GMDS: variants seen among roughly 807,000 people sequenced by gnomAD.
GMDS encodes the protein GDP-mannose 4,6-dehydratase, also known as GDP-mannose 4,6 dehydratase.
GMDS carries 20 observed loss-of-function variants against 49.9 expected under a neutral mutation model. That is an observed-to-expected ratio of 0.40 (90% CI 0.28 to 0.58). The LOEUF is 0.58. Among genes scored for constraint, GMDS ranks in the 20% least tolerant of loss-of-function variants. The pLI, the probability that GMDS is intolerant of heterozygous loss-of-function variation, is 0.42. For missense variants in GMDS, 362 were observed against 481.4 expected (o/e 0.75, Z 2.32); for synonymous variants, 177 against 178.6 (o/e 0.99, Z 0.07).
chr6:2,047,042 T>C (rs534686790), intron 4 of GMDS, among the ~76,000 whole-genome samples: 1 of 152,294 alleles, frequency 6.6e-6, no homozygotes, highest in Admixed American at 6.5e-5. Context: ...CACAAAGCAA[T>C]TACTAGAAAT....
intron 7 of GMDS, among the ~76,000 whole-genome samples, chr6:1,897,345 C>T (rs1318060455): frequency 1.3e-5 from 2 of 152,154 alleles, no homozygotes; most frequent in East Asian, 3.9e-4. Flanking sequence ...AATAACTTAT[C>T]TCCAAATACG....
Position 2,109,112 on chromosome 6 carries a change from G to C in GMDS, c.345+6659C>G, listed in dbSNP as rs543092208. On this transcript the variant is annotated intron_variant, in intron 4 of 10. Coordinates refer to ENST00000380815, the MANE Select transcript of GMDS (RefSeq NM_001500.4). The stretch of plus-strand genomic sequence containing the variant: ...CAGCAAAGACGGATATGTTGACTAT[G>C]TAACCTGAGCCCATCCATTTCTCTA... 2.7e-3 allele frequency among the ~76,000 whole-genome samples: 409 copies of C among 152,292 alleles called. 2 individuals are homozygous for C. The highest frequency in any genetic ancestry group is 9.5e-3 in the African/African-American group (394 of 41,562).
chr6:2,212,582 G>T (rs1318106776), intron 1 of GMDS, among the ~76,000 whole-genome samples: 1 of 151,740 alleles, frequency 6.6e-6, no homozygotes, highest in South Asian at 2.1e-4. Flanking sequence ...GTTTTGCAAG[G>T]GAATAAAAAC....
At chr6:2,219,236 T>C (rs1780474534) in intron 1 of GMDS, among the ~76,000 whole-genome samples, 1 of 152,210 alleles carries the variant, frequency 6.6e-6, no homozygotes, top group Non-Finnish European at 1.5e-5. Flanking sequence ...ATATATTACC[T>C]ACCCAGAAGA....
chr6:1,891,632 C>T (rs367738962), intron 7 of GMDS, among the ~76,000 whole-genome samples: 10 of 152,294 alleles, frequency 6.6e-5, no homozygotes, highest in Admixed American at 6.5e-5. Flanking sequence ...AAGAAGAGGA[C>T]GAACCGCTAG....
rs535572570 is a variant in GMDS at position 2,074,230 on chromosome 6, TA to T, written c.345+41540del. On this transcript the variant is annotated intron_variant, in intron 4 of 10. Coordinates refer to ENST00000380815, the MANE Select transcript of GMDS (RefSeq NM_001500.4). ...CCATTCTAACTGGGGTAAGATGATA[TA>T]TCATCCTTGTATTGATTTACATTTC... Among the ~76,000 whole-genome samples, 316 of 152,334 alleles carry T rather than the reference TA, an allele frequency of 2.1e-3. 2 individuals carry two copies. Among genetic ancestry groups the T allele is most frequent in the Middle Eastern group, 0.01 (3 of 294 alleles).
chr6:1,851,905 C>T (rs995359935), intron 7 of GMDS, among the ~76,000 whole-genome samples: 4 of 152,152 alleles, frequency 2.6e-5, no homozygotes, highest in African/African-American at 4.8e-5. Flanking sequence ...CAGGCACACA[C>T]GTGTGTGTCT....
chr6:1,711,907 G>A (rs961853649), intron 9 of GMDS, among the ~76,000 whole-genome samples: 2 of 152,236 alleles, frequency 1.3e-5, no homozygotes, highest in Admixed American at 6.5e-5. Context: ...GGTGGCTGCT[G>A]AGAGCAGCAC....
intron 4 of GMDS, among the ~76,000 whole-genome samples, chr6:1,981,125 A>C (rs142411489): frequency 4.2e-4 from 64 of 152,278 alleles, no homozygotes; most frequent in Admixed American, 3.2e-3. Context: ...CATCAGAATT[A>C]ATAGAACTAG....
intron 4 of GMDS, among the ~76,000 whole-genome samples, chr6:2,049,879 G>C (rs1770273886): frequency 6.6e-6 from 1 of 152,190 alleles, no homozygotes; most frequent in Non-Finnish European, 1.5e-5. Context: ...ATGTAAAGCA[G>C]TGTGTAGAGG....
chr6:2,154,872 A>AAAAAAAAAAAAAAAAAAAAAAAC (rs1777030118), intron 1 of GMDS, among the ~76,000 whole-genome samples: 1 of 149,972 alleles, frequency 6.7e-6, no homozygotes, highest in Non-Finnish European at 1.5e-5. Context: ...GCAAAAAAAA[A>AAAAAAAAAAAAAAAAAAAAAAAC]AAAAAAAAAA....
At chr6:1,769,196 C>A (rs184220464) in intron 7 of GMDS, among the ~76,000 whole-genome samples, 16 of 152,318 alleles carry the variant, frequency 1.1e-4, no homozygotes, top group African/African-American at 3.8e-4. Context: ...CAATAACTGA[C>A]ACTAATAGAA....
intron 9 of GMDS, among the ~76,000 whole-genome samples, chr6:1,653,019 G>A (rs944602451): frequency 7.9e-5 from 12 of 151,488 alleles, no homozygotes; most frequent in African/African-American, 2.7e-4. Flanking sequence ...CGACCCACTA[G>A]ACACCTGGCC....
At chr6:1,953,779 A>G (rs1192478571) in intron 6 of GMDS, among the ~76,000 whole-genome samples, 1 of 152,220 alleles carries the variant, frequency 6.6e-6, no homozygotes, top group East Asian at 1.9e-4. Context: ...GGTAAATAAC[A>G]TATTTGAAAA....
intron 6 of GMDS, among the ~76,000 whole-genome samples, chr6:1,954,098 T>C (rs922478895): frequency 6.6e-6 from 1 of 152,196 alleles, no homozygotes; most frequent in Non-Finnish European, 1.5e-5. Context: ...AAAAGAATAC[T>C]GTATGTATGT....
rs1465769738 is a variant in GMDS at position 2,225,012 on chromosome 6, G to A, written c.102+20309C>T. Among the ~76,000 whole-genome samples, 5 of 152,082 alleles carry A rather than the reference G, an allele frequency of 3.3e-5. No individual in the cohort carries two copies. The East Asian group carries it at 5.8e-4, about 18-fold the overall frequency. On this transcript the variant is annotated intron_variant, in intron 1 of 10. Coordinates refer to ENST00000380815, the MANE Select transcript of GMDS (RefSeq NM_001500.4). ...CACGTACGTCCACACGATGTCAGACGCTACCTGAGATGAACAGTAAGCCTT... is the reference window on the plus strand; with the variant it reads ...CACGTACGTCCACACGATGTCAGACACTACCTGAGATGAACAGTAAGCCTT...
intron 1 of GMDS, among the ~76,000 whole-genome samples, chr6:2,235,676 G>A (rs1781324670): frequency 6.6e-6 from 1 of 151,904 alleles, no homozygotes; most frequent in South Asian, 2.1e-4. Flanking sequence ...GCCAGGCATA[G>A]TGGTGCACAT....
chr6:2,174,258 C>T lies in GMDS; in HGVS notation c.103-49527G>A, dbSNP rs190350612. On this transcript the variant is annotated intron_variant, in intron 1 of 10. Transcript: ENST00000380815. ...GGCTGAGGGGATGGATGATAAAATG[C>T]TTACAAAAGTACTTTTTAAAAAGGA... 3.2e-4 allele frequency among the ~76,000 whole-genome samples: 48 copies of T among 152,232 alleles called. No homozygotes were observed. The East Asian group carries it at 9.1e-3, about 29-fold the overall frequency.
At chr6:1,875,625 A>G (rs1759003889) in intron 7 of GMDS, among the ~76,000 whole-genome samples, 2 of 152,162 alleles carry the variant, frequency 1.3e-5, no homozygotes, top group South Asian at 4.1e-4. Flanking sequence ...GATGTTTTCA[A>G]TGGGTTTTTA....
Sources: allele counts gnomAD v4.1 joint callset (sites outside exome capture counted in the v4.1 genomes callset), GRCh38; gene constraint gnomAD v4.1.1; transcripts MANE v1.5; gene names NCBI Gene and HGNC (gene_info 2026-07-23, HGNC 2026-07-21).